Variants in CCBE1 observed in about 807,000 individuals in gnomAD.
CCBE1 encodes collagen and calcium-binding EGF domain-containing protein 1.
Under a neutral mutation model 50.0 loss-of-function variants are expected in CCBE1, and 37 were observed. That is an observed-to-expected ratio of 0.74 (90% confidence interval 0.57 to 0.97). The LOEUF is 0.97. Among genes scored for constraint, CCBE1 ranks in the 50% least tolerant of loss-of-function variants. The probability of loss-of-function intolerance (pLI) is 0.00; values close to 1 mark genes in which losing one functional copy is unlikely to be tolerated. For missense variants in CCBE1, 538 were observed against 523.8 expected, an observed-to-expected ratio of 1.03 and a Z score of -0.26; for synonymous variants, 234 against 203.7, an observed-to-expected ratio of 1.15 and a Z score of -1.27.
intron 2 of CCBE1, among the ~76,000 whole-genome samples, chr18:59,586,222 C>T (rs1391623900): frequency 6.6e-6 from 1 of 152,178 alleles, no homozygotes; most frequent in East Asian, 1.9e-4. Flanking sequence ...ACAAAAGTCA[C>T]ATGATACTCC....
At chr18:59,610,509 G>A (rs2053554009) in intron 2 of CCBE1, among the ~76,000 whole-genome samples, 1 of 150,496 alleles carries the variant, frequency 6.6e-6, no homozygotes, top group Non-Finnish European at 1.5e-5. Context: ...TCCTCAAGCA[G>A]TACTTGATAG....
chr18:59,696,165 A>C (rs913650539), intron 2 of CCBE1, among the ~76,000 whole-genome samples: 1 of 152,170 alleles, frequency 6.6e-6, no homozygotes, highest in Non-Finnish European at 1.5e-5. Context: ...AACCACTCAC[A>C]ATCCTCCCCC....
At chr18:59,659,752 C>G (rs1288581026) in intron 2 of CCBE1, among the ~76,000 whole-genome samples, 1 of 152,108 alleles carries the variant, frequency 6.6e-6, no homozygotes, top group African/African-American at 2.4e-5. Context: ...ATAGTAAAAT[C>G]CATCCTGAAC....
At chr18:59,622,396 C>T (rs544099727) in intron 2 of CCBE1, among the ~76,000 whole-genome samples, 2 of 151,628 alleles carry the variant, frequency 1.3e-5, no homozygotes, top group South Asian at 2.1e-4. Context: ...TACAGCTACT[C>T]GGGAGGCTGA....
At chr18:59,618,087 A>T (rs901598579) in intron 2 of CCBE1, among the ~76,000 whole-genome samples, 1 of 152,208 alleles carries the variant, frequency 6.6e-6, no homozygotes, top group East Asian at 1.9e-4. Flanking sequence ...TGTATGAGGT[A>T]TATGTCCCCC....
intron 2 of CCBE1, among the ~76,000 whole-genome samples, chr18:59,557,133 T>C (rs1206576257): frequency 2.0e-5 from 3 of 152,166 alleles, no homozygotes; most frequent in African/African-American, 4.8e-5. Context: ...CAGGCCAGCA[T>C]GTGAAGCTCC....
chr18:59,599,782 A>G (rs1348105070), intron 2 of CCBE1, among the ~76,000 whole-genome samples: 1 of 152,250 alleles, frequency 6.6e-6, no homozygotes, highest in Admixed American at 6.5e-5. Context: ...GTCTATGGAT[A>G]GACTAGAGTC....
intron 2 of CCBE1, among the ~76,000 whole-genome samples, chr18:59,610,535 CAA>C (rs1166099452): frequency 6.6e-6 from 1 of 151,516 alleles, no homozygotes; most frequent in East Asian, 1.9e-4. Context: ...AGCTTCAGAA[CAA>C]AAAAAGATTC....
At chr18:59,537,712 C>T (rs1332783500) in intron 2 of CCBE1, among the ~76,000 whole-genome samples, 2 of 152,148 alleles carry the variant, frequency 1.3e-5, no homozygotes, top group Non-Finnish European at 2.9e-5. Context: ...AAGTGTACAG[C>T]CTTCAATGTG....
At chr18:59,471,524 T>C (rs960175847) in intron 3 of CCBE1, among the ~76,000 whole-genome samples, 1 of 152,236 alleles carries the variant, frequency 6.6e-6, no homozygotes, top group Non-Finnish European at 1.5e-5. Context: ...CCTGGAAGTA[T>C]GCTTGAATTA....
intron 2 of CCBE1, among the ~76,000 whole-genome samples, chr18:59,680,391 T>C (rs1193440166): frequency 2.0e-5 from 3 of 151,956 alleles, no homozygotes; most frequent in Non-Finnish European, 2.9e-5. Context: ...ATATTTTCCT[T>C]TGACAACGCA....
intron 3 of CCBE1, among the ~76,000 whole-genome samples, chr18:59,472,985 T>A (rs976568570): frequency 3.9e-5 from 6 of 152,138 alleles, no homozygotes; most frequent in African/African-American, 1.4e-4. Context: ...ATGGGGAAAC[T>A]GCCCCCATGA....
intron 2 of CCBE1, among the ~76,000 whole-genome samples, chr18:59,622,550 C>A (rs2053726615): frequency 6.6e-6 from 1 of 150,968 alleles, no homozygotes; most frequent in Non-Finnish European, 1.5e-5. Context: ...CACCTGTAAT[C>A]CCAGCACTTT....
At chr18:59,590,619 T>C (rs1599040973) in intron 2 of CCBE1, among the ~76,000 whole-genome samples, 2 of 152,154 alleles carry the variant, frequency 1.3e-5, no homozygotes, top group East Asian at 3.8e-4. Flanking sequence ...TATTAAAACA[T>C]ACAACCGCAT....
At chr18:59,597,452 C>A (rs2053368428) in intron 2 of CCBE1, among the ~76,000 whole-genome samples, 1 of 152,126 alleles carries the variant, frequency 6.6e-6, no homozygotes, top group African/African-American at 2.4e-5. Context: ...ATCTTTACAG[C>A]AAATCCATGA....
chr18:59,566,398 C>G (rs2052827550), intron 2 of CCBE1, among the ~76,000 whole-genome samples: 1 of 152,016 alleles, frequency 6.6e-6, no homozygotes, highest in African/African-American at 2.4e-5. Flanking sequence ...ACCACTCACC[C>G]TAATTAAAAC....
intron 5 of CCBE1, chr18:59,464,065 G>C (rs778955693): frequency 6.6e-6 from 1 of 152,208 alleles, no homozygotes; most frequent in African/African-American, 2.4e-5. Context: ...CATCATCTAT[G>C]AGGTAAGTTA....
intron 2 of CCBE1, among the ~76,000 whole-genome samples, chr18:59,582,412 T>C (rs1276945863): frequency 6.6e-6 from 1 of 152,204 alleles, no homozygotes; most frequent in Non-Finnish European, 1.5e-5. Context: ...ACCAGTCTAA[T>C]CATAATCACC....
chr18:59,455,217 T>G, intron 5 of CCBE1: 4 of 547,882 alleles, frequency 7.3e-6, no homozygotes, highest in Non-Finnish European at 6.7e-6. Flanking sequence ...CTGATCTTCC[T>G]TTCATGTGTG....
Sources: allele counts gnomAD v4.1 joint callset (sites outside exome capture counted in the v4.1 genomes callset), GRCh38; gene constraint gnomAD v4.1.1; transcripts MANE v1.5; gene names NCBI Gene and HGNC (gene_info 2026-07-23, HGNC 2026-07-21).